Variants in MAGI3 observed in about 807,000 individuals in gnomAD.
The protein encoded by MAGI3 is membrane associated guanylate kinase, WW and PDZ domain containing 3.
A neutral mutation model predicts 121.8 loss-of-function variants in MAGI3; 43 were observed. The observed-to-expected ratio is 0.35, with a 90% CI of 0.28 to 0.46. The LOEUF (loss-of-function observed/expected upper bound fraction) is 0.46. Among genes scored for constraint, MAGI3 ranks in the 20% least tolerant of loss-of-function variants. The pLI, the probability that MAGI3 is intolerant of heterozygous loss-of-function variation, is 1.00. For missense variants in MAGI3, 1,547 were observed against 1,797.3 expected, an observed-to-expected ratio of 0.86 and a Z score of 2.52; for synonymous variants, 553 against 639.3, an observed-to-expected ratio of 0.86 and a Z score of 2.04.
chr1:113,660,162 A>C (rs892988134), intron 16 of MAGI3, among the ~76,000 whole-genome samples: 2 of 152,078 alleles, frequency 1.3e-5, no homozygotes, highest in Non-Finnish European at 2.9e-5. Flanking sequence ...TCAAGATGCT[A>C]TAGGGGTTAT....
chr1:113,525,450 A>T (rs1001647563), intron 1 of MAGI3, among the ~76,000 whole-genome samples: 1 of 151,752 alleles, frequency 6.6e-6, no homozygotes, highest in Non-Finnish European at 1.5e-5. Context: ...TGAAAACTGC[A>T]CATACTGATT....
At position 113,642,206 on chromosome 1, in the gene MAGI3, T is replaced by G; in HGVS notation, c.1656T>G (p.Gly552=). The G allele has an allele frequency of 6.2e-7, 1 of 1,614,120 alleles. No individual in the cohort carries two copies. The highest frequency in any genetic ancestry group is 8.5e-7 in the Non-Finnish European group (1 of 1,180,016). The stretch of plus-strand genomic sequence containing the variant: ...CGGGACACACTTTGACTGGTGATGG[T>G]CTCAATGGACCATCAGATGCAAGTG... ...GKSGHTLTGD[G]LNGPSDASEQ... Residue 552 remains glycine (G), a synonymous_variant, in exon 10 of 21, where the codon GGT becomes GGG. Transcript: ENST00000307546.
At chr1:113,410,508 G>A (rs578234908) in intron 1 of MAGI3, among the ~76,000 whole-genome samples, 1 of 152,110 alleles carries the variant, frequency 6.6e-6, no homozygotes, top group East Asian at 1.9e-4. Flanking sequence ...AACTTTTTGG[G>A]AGATCTTGAT....
At chr1:113,565,465 C>G (rs2101694509) in intron 2 of MAGI3, among the ~76,000 whole-genome samples, 1 of 152,092 alleles carries the variant, frequency 6.6e-6, no homozygotes, top group East Asian at 1.9e-4. Context: ...TGGAATGTTC[C>G]ACAACAGCAT....
intron 15 of MAGI3, among the ~76,000 whole-genome samples, chr1:113,655,878 G>A (rs145041432): frequency 6.6e-6 from 1 of 152,110 alleles, no homozygotes; most frequent in South Asian, 2.1e-4. Context: ...AGCTGCTGTT[G>A]CTTGTTGTAA....
chr1:113,442,791 T>A (rs147341200), intron 1 of MAGI3, among the ~76,000 whole-genome samples: 126 of 152,252 alleles, frequency 8.3e-4, no homozygotes, highest in African/African-American at 2.8e-3. Flanking sequence ...TTTAGATTCT[T>A]CATCATCCTT....
intron 1 of MAGI3, among the ~76,000 whole-genome samples, chr1:113,453,600 G>A (rs1230631660): frequency 6.6e-6 from 1 of 152,210 alleles, no homozygotes; most frequent in Non-Finnish European, 1.5e-5. Flanking sequence ...TGCTATTGGA[G>A]TAGTCTGTTT....
At chr1:113,613,595 G>A (rs78563144) in intron 6 of MAGI3, among the ~76,000 whole-genome samples, 3,492 of 152,210 alleles carry the variant, frequency 0.023, 140 homozygotes, top group African/African-American at 0.079. Context: ...GCTGTCCAGC[G>A]TACTTTTTGT....
chr1:113,560,367 C>T (rs911019677), intron 2 of MAGI3, among the ~76,000 whole-genome samples: 1 of 151,330 alleles, frequency 6.6e-6, no homozygotes, highest in Non-Finnish European at 1.5e-5. Flanking sequence ...CAGAGCGAGA[C>T]TCCATCTTAA....
intron 16 of MAGI3, 26 bp downstream of exon 16, chr1:113,659,291 C>G: frequency 6.2e-7 from 1 of 1,608,218 alleles, no homozygotes; most frequent in South Asian, 1.1e-5. Flanking sequence ...ACGCGCCTGC[C>G]CCAAGCTGAT....
At chr1:113,537,757 T>G (rs1659076765) in intron 1 of MAGI3, among the ~76,000 whole-genome samples, 1 of 152,208 alleles carries the variant, frequency 6.6e-6, no homozygotes, top group African/African-American at 2.4e-5. Context: ...TCATTTTCTG[T>G]GTTGAAAAGA....
intron 1 of MAGI3, among the ~76,000 whole-genome samples, chr1:113,474,528 C>A (rs1655711154): frequency 1.3e-5 from 2 of 152,172 alleles, no homozygotes; most frequent in African/African-American, 4.8e-5. Flanking sequence ...GGAATCCTAT[C>A]CCCATTTCTT....
rs376036707 is a variant in MAGI3, at chr1:113,683,948, G to A, written c.4380G>A (p.Gly1460=). 1.9e-6 allele frequency: 3 copies of A among 1,605,998 alleles called. No homozygotes were observed. The highest frequency in any genetic ancestry group is 1.7e-6 in the Non-Finnish European group (2 of 1,176,872). The change falls in exon 21 of 21, where the codon GGG becomes GGA. Residue 1460 remains glycine, a synonymous_variant. Transcript: ENST00000307546. ...TTAAGAAAACACTGATAACTCCAGGGCCCTGGAAGGTTCCAAGTGGAAATA... is the reference window on the plus strand; with the variant it reads ...TTAAGAAAACACTGATAACTCCAGGACCCTGGAAGGTTCCAAGTGGAAATA... ...SPVKKTLITP[G]PWKVPSGNKV...
intron 2 of MAGI3, among the ~76,000 whole-genome samples, chr1:113,570,079 G>T (rs1413583635): frequency 6.6e-6 from 1 of 151,702 alleles, no homozygotes; most frequent in Non-Finnish European, 1.5e-5. Context: ...GTGTGATGTT[G>T]CCCTCCCTGT....
intron 2 of MAGI3, among the ~76,000 whole-genome samples, chr1:113,565,037 A>G (rs1009242397): frequency 6.6e-6 from 1 of 151,662 alleles, no homozygotes; most frequent in African/African-American, 2.4e-5. Context: ...TTTAGTAGAG[A>G]TGGGGTTTCA....
At chr1:113,531,722 G>A (rs1658732416) in intron 1 of MAGI3, among the ~76,000 whole-genome samples, 1 of 94,982 alleles carries the variant, frequency 1.1e-5, no homozygotes, top group Non-Finnish European at 2.3e-5. Flanking sequence ...GGGGGTGGGG[G>A]TCGGGTGGGG....
intron 9 of MAGI3, among the ~76,000 whole-genome samples, chr1:113,640,924 T>A (rs61819457): frequency 0.69 from 80,438 of 116,612 alleles, 26,988 homozygotes; most frequent in African/African-American, 0.78. Context: ...TATGATATAT[T>A]TTATATATCA....
At chr1:113,460,307 C>T (rs1487423000) in intron 1 of MAGI3, among the ~76,000 whole-genome samples, 1 of 152,126 alleles carries the variant, frequency 6.6e-6, no homozygotes, top group Non-Finnish European at 1.5e-5. Context: ...AAACCCACAG[C>T]CAACATTGAA....
chr1:113,510,099 A>T (rs1657540831), intron 1 of MAGI3, among the ~76,000 whole-genome samples: 1 of 152,198 alleles, frequency 6.6e-6, no homozygotes, highest in Non-Finnish European at 1.5e-5. Context: ...TTGTCAATGT[A>T]GTGTTTTCTA....
Sources: gnomAD v4.1 joint callset for allele counts (sites outside exome capture counted in the v4.1 genomes callset) on GRCh38, gnomAD v4.1.1 for gene constraint, MANE v1.5 for transcripts, NCBI Gene and HGNC (gene_info 2026-07-23, HGNC 2026-07-21) for gene names.